Variants in RAD51D observed in about 807,000 individuals in gnomAD.
RAD51D encodes RAD51 paralog D.
RAD51D carries 38 observed loss-of-function variants against 44.1 expected under a neutral mutation model. That is an observed-to-expected ratio of 0.86 (90% CI 0.67 to 1.13). The LOEUF is 1.13. Among genes scored for constraint, RAD51D ranks in the 50% most tolerant of loss-of-function variants. RAD51D has a pLI of 0.00. For missense variants in RAD51D, 390 were observed against 414.0 expected, an observed-to-expected ratio of 0.94 and a Z score of 0.50; for synonymous variants, 141 against 166.6, an observed-to-expected ratio of 0.85 and a Z score of 1.18.
At chr17:35,116,005 G>GAAAGAAAGAAAGA (rs1249763609) in intron 3 of RAD51D, among the ~76,000 whole-genome samples, 16 of 147,946 alleles carry the variant, frequency 1.1e-4, no homozygotes, top group African/African-American at 3.7e-4. Flanking sequence ...AAGAAAGAAA[G>GAAAGAAAGAAAGA]AAAGAAAGGC....
chr17:35,114,220 C>T (rs569913639), intron 3 of RAD51D, among the ~76,000 whole-genome samples: 8 of 151,784 alleles, frequency 5.3e-5, no homozygotes, highest in South Asian at 4.2e-4. Flanking sequence ...TGCAGTGAGC[C>T]GAGATCGCGC....
chr17:35,115,893 A>AG (rs2091730865), intron 3 of RAD51D, among the ~76,000 whole-genome samples: 3 of 109,820 alleles, frequency 2.7e-5, no homozygotes, highest in South Asian at 3.2e-4. Context: ...GAAGGAAAGA[A>AG]GGAAAGGAAG....
Position 35,103,334 on chromosome 17 carries a change from G to A in RAD51D, c.668-10C>T, listed in dbSNP as rs1597858472. Reference sequence around the variant, plus strand: ...ATCATCAAGGCCAAGCCTGCAGGAGGAGGAGAAGCAGAGAGGGAGGGCAGT... The same window carrying A: ...ATCATCAAGGCCAAGCCTGCAGGAGAAGGAGAAGCAGAGAGGGAGGGCAGT... On this transcript the variant is annotated splice_polypyrimidine_tract_variant and intron_variant, in intron 7 of 9. Transcript: ENST00000345365. The surrounding 1 kb of genome is among the most constrained non-coding windows in gnomAD (Gnocchi z 4.1). The A allele has an allele frequency of 6.2e-7, 1 of 1,612,734 alleles. No individual in the cohort carries two copies. The highest frequency in any genetic ancestry group is 8.5e-7 in the Non-Finnish European group (1 of 1,179,420).
At chr17:35,101,388 G>T in intron 8 of RAD51D, 23 bp from the exon 9 acceptor site, 1 of 1,610,288 alleles carries the variant, frequency 6.2e-7, no homozygotes, top group Non-Finnish European at 8.5e-7. Flanking sequence ...CAGACTTACA[G>T]ATCCATAATG....
chr17:35,119,440 T>C, intron 1 of RAD51D, 92 bp downstream of exon 1: 6 of 1,421,802 alleles, frequency 4.2e-6, no homozygotes, highest in Non-Finnish European at 5.9e-6. Context: ...GGAAGCGCCC[T>C]GCAGGTATGC....
At chr17:35,113,672 T>C (rs2091703861) in intron 3 of RAD51D, 3 of 316,270 alleles carry the variant, frequency 9.5e-6, no homozygotes, top group East Asian at 1.1e-4. Flanking sequence ...CTTGAGATAA[T>C]TGTGCTCACC....
rs777103576 is a variant in RAD51D, at chr17:35,101,331, C to A, written c.773G>T (p.Gly258Val). 6.2e-7 allele frequency: 1 copy of A among 1,614,078 alleles called. No individual in the cohort carries two copies. Among genetic ancestry groups the A allele is most frequent in the Non-Finnish European group, 8.5e-7 (1 of 1,180,028 alleles). ...GCGTCCGAGGGCAGGTTTGAGCCTC[C>A]CGCTGTCCCTGTCTCGAGTTATGTG... ...TNHITRDRDS[G>V]RLKPALGRSW... Residue 258 changes from glycine to valine, a missense_variant, in exon 9 of 10, where the codon GGG becomes GTG. By Grantham distance (109) the Gly-to-Val change is moderately radical. Transcript: ENST00000345365.
Position 35,094,894 on chromosome 17 carries a change from C to T in RAD51D, c.*6059G>A, listed in dbSNP as rs1597851803. On this transcript the variant is annotated 3_prime_UTR_variant, in exon 10 of 10. Transcript: ENST00000345365. Reference sequence around the variant, plus strand: ...TTGATTAACTCGTCTTTGGTACTACCGTAAGTACTAGTGAGAGGCTGCCCA... The same window carrying T: ...TTGATTAACTCGTCTTTGGTACTACTGTAAGTACTAGTGAGAGGCTGCCCA... 6.9e-6 allele frequency: 1 copy of T among 145,278 alleles called. No homozygotes were observed. Among genetic ancestry groups the T allele is most frequent in the Non-Finnish European group, 1.5e-5 (1 of 68,022 alleles). 9.0% of individuals were successfully genotyped at this position (145,278 alleles called of 1,614,324 possible).
chr17:35,119,129 T>C lies in RAD51D; in HGVS notation c.126A>G (p.Lys42=), dbSNP rs145361433. 6.2e-6 allele frequency: 10 copies of C among 1,613,900 alleles called. No individual in the cohort carries two copies. The highest frequency in any genetic ancestry group is 2.7e-5 in the African/African-American group (2 of 75,054). Residue 42 remains lysine, a synonymous_variant, in exon 2 of 10, where the codon AAA becomes AAG. Coordinates refer to ENST00000345365, the MANE Select transcript of RAD51D (RefSeq NM_002878.4). ...AGCTCACCTTGTAAGACAAGCCACA[T>C]TTCTGAGCTACCTCTTCCAGGTCTG... is the stretch of plus-strand genomic sequence containing the variant. ...VSADLEEVAQ[K]CGLSYKALVA... is the part of the protein sequence containing the mutation.
At position 35,107,435 on chromosome 17, in the gene RAD51D, C is replaced by A. The variant is rs1057522424; in HGVS notation, c.276G>T (p.Leu92=). The change falls in exon 4 of 10, where the codon CTG becomes CTT. Residue 92 remains leucine (L), a synonymous_variant. Transcript: ENST00000345365. The stretch of plus-strand genomic sequence containing the variant: ...CTCCAGTATAGAGACCAGCATCAAG[C>A]AGTTTATCAAGACTGATGGCAGAAG... ...LSTGIGSLDK[L]LDAGLYTGEV... 6.4e-7 allele frequency: 1 copy of A among 1,554,196 alleles called. No homozygotes were observed. Among genetic ancestry groups the A allele is most frequent in the African/African-American group, 1.4e-5 (1 of 73,576 alleles).
Position 35,103,134 on chromosome 17 carries a change from A to G in RAD51D, c.738+120T>C. ...GTGCAAAGCTGTAGCTGACCCAGGGAAGCTGGGATATGTCCCTTTCCTAAA... is the reference window on the plus strand; with the variant it reads ...GTGCAAAGCTGTAGCTGACCCAGGGGAGCTGGGATATGTCCCTTTCCTAAA... On this transcript the variant is annotated intron_variant, in intron 8 of 9. Coordinates refer to ENST00000345365, the MANE Select transcript of RAD51D (RefSeq NM_002878.4). This position sits in a 1 kb window ranked among gnomAD's most constrained non-coding sequence, Gnocchi z 4.1. 1 of 888,652 alleles carries G rather than the reference A, an allele frequency of 1.1e-6. No individual in the cohort carries two copies. The highest frequency in any genetic ancestry group is 1.8e-6 in the Non-Finnish European group (1 of 543,874). 55.0% of individuals were successfully genotyped at this position (888,652 alleles called of 1,614,324 possible).
chr17:35,103,070 A>C lies in RAD51D; in HGVS notation c.738+184T>G, dbSNP rs2091557796. On this transcript the variant is annotated intron_variant, in intron 8 of 9. Transcript: ENST00000345365. The surrounding 1 kb of genome is among the most constrained non-coding windows in gnomAD (Gnocchi z 4.1). ...GTAGAAACAAAACAAAACAACAAAA[A>C]AACAACAAGACGATTCCTGATTCCC... Among the ~76,000 whole-genome samples the C allele has an allele frequency of 6.6e-6, 1 of 152,240 alleles. No individual in the cohort carries two copies. Among genetic ancestry groups the C allele is most frequent in the Admixed American group, 6.5e-5 (1 of 15,276 alleles).
chr17:35,119,147 C>T lies in RAD51D; in HGVS notation c.108G>A (p.Leu36=), dbSNP rs755962971. 5.6e-6 allele frequency: 9 copies of T among 1,614,064 alleles called. No individual in the cohort carries two copies. In the East Asian group the frequency reaches 1.8e-4, roughly 32 times the overall value. Residue 36 remains leucine (L), a synonymous_variant, in exon 2 of 10, where the codon CTG becomes CTA. Transcript: ENST00000345365. ...KTVVDLVSAD[L]EEVAQKCGLS... The stretch of plus-strand genomic sequence containing the variant: ...AGCCACATTTCTGAGCTACCTCTTC[C>T]AGGTCTGCAGAAACCAGGTCCACCA...
intron 3 of RAD51D, among the ~76,000 whole-genome samples, chr17:35,111,341 C>T (rs1288768301): frequency 4.8e-5 from 6 of 124,828 alleles, no homozygotes; most frequent in Admixed American, 4.5e-4. Flanking sequence ...GCAACAAGAG[C>T]GAAACTCCAT....
At position 35,097,943 on chromosome 17, in the gene RAD51D, GAGCC is replaced by G. The variant is rs1286653630; in HGVS notation, c.*3006_*3009del. 6.6e-6 allele frequency: 1 copy of G among 152,374 alleles called. No homozygotes were observed. The highest frequency in any genetic ancestry group is 6.5e-5 in the Admixed American group (1 of 15,274). 9.4% of individuals were successfully genotyped at this position (152,374 alleles called of 1,614,324 possible). A position where few individuals can be genotyped will look rare whatever the true frequency, so the allele number is the denominator to read the frequency against. On this transcript the variant is annotated 3_prime_UTR_variant, in exon 10 of 10. Transcript: ENST00000345365. ...GGGAGCAAAAGGCACTTGGACAGGA[GAGCC>G]AGCCTAGCCCAAGTCCTACCAGGGG...
At position 35,100,243 on chromosome 17, in the gene RAD51D, C is replaced by T. The variant is rs28363296; in HGVS notation, c.*710G>A. ...TCCCTGGAACTGCAGCGAGCCCACACGTTCTCACCTAGTCATGGTGATGCA... is the reference window on the plus strand; with the variant it reads ...TCCCTGGAACTGCAGCGAGCCCACATGTTCTCACCTAGTCATGGTGATGCA... On this transcript the variant is annotated 3_prime_UTR_variant, in exon 10 of 10. Coordinates refer to ENST00000345365, the MANE Select transcript of RAD51D (RefSeq NM_002878.4). The T allele has an allele frequency of 4.6e-3, 2,440 of 533,032 alleles. 43 individuals are homozygous for T. The highest frequency in any genetic ancestry group is 0.035 in the African/African-American group (1,870 of 53,852). 33.0% of individuals were successfully genotyped at this position (533,032 alleles called of 1,614,324 possible).
At chr17:35,118,306 T>G (rs1053825968) in intron 3 of RAD51D, among the ~76,000 whole-genome samples, 195 bp downstream of exon 3, 1 of 151,962 alleles carries the variant, frequency 6.6e-6, no homozygotes, top group East Asian at 1.9e-4. Context: ...TCCCTAAATA[T>G]CAATAGTGCC....
At chr17:35,117,162 A>G (rs931077524) in intron 3 of RAD51D, 1 of 1,057,070 alleles carries the variant, frequency 9.5e-7, no homozygotes, top group Non-Finnish European at 1.4e-6. Context: ...CCCTACACCC[A>G]ACTAGAGGCC....
rs1411379074 is a variant in RAD51D at position 35,097,678 on chromosome 17, T to A, written c.*3275A>T. The A allele has an allele frequency of 6.6e-6, 1 of 152,106 alleles. No individual in the cohort carries two copies. The highest frequency in any genetic ancestry group is 1.5e-5 in the Non-Finnish European group (1 of 68,018). The allele number at this position is 152,106 out of a possible 1,614,324, so 9.4% of individuals were successfully genotyped here. A position where few individuals can be genotyped will look rare whatever the true frequency, so the allele number is the denominator to read the frequency against. On this transcript the variant is annotated 3_prime_UTR_variant, in exon 10 of 10. Transcript: ENST00000345365. ...AGTCCTTTGCTTTTTTAAAATATAT[T>A]TTTAAAACATCATTCATCTATTTAA... is the stretch of plus-strand genomic sequence containing the variant.
Sources: gnomAD v4.1 joint callset for allele counts (sites outside exome capture counted in the v4.1 genomes callset) on GRCh38, gnomAD v4.1.1 for gene constraint, Gnocchi (gnomAD v3.1) non-coding constraint, MANE v1.5 for transcripts, NCBI Gene and HGNC (gene_info 2026-07-23, HGNC 2026-07-21) for gene names.